The following CCDC149 variants were observed in gnomAD, a reference collection of about 807,000 sequenced individuals.
CCDC149 encodes coiled-coil domain containing 149, also known as coiled-coil domain-containing protein 149.
In CCDC149, 45 loss-of-function variants were observed where a neutral mutation model predicts 59.9. The observed-to-expected ratio is 0.75, with a 90% CI of 0.59 to 0.96. CCDC149 has a LOEUF of 0.96. Among genes scored for constraint, CCDC149 ranks in the 40% least tolerant of loss-of-function variants. The pLI is 0.00. For synonymous variants in CCDC149, 245 were observed against 260.6 expected (o/e 0.94, Z 0.58); for missense variants, 584 against 664.7 (o/e 0.88, Z 1.33).
intron 12 of CCDC149, among the ~76,000 whole-genome samples, chr4:24,815,383 C>T (rs1714944312): frequency 1.3e-5 from 2 of 152,052 alleles, no homozygotes; most frequent in African/African-American, 4.8e-5. Context: ...AGTGGTTGTA[C>T]AGGGGACATG....
chr4:24,809,251 G>A (rs572150434), intron 12 of CCDC149, among the ~76,000 whole-genome samples: 23 of 152,264 alleles, frequency 1.5e-4, no homozygotes, highest in African/African-American at 5.5e-4. Context: ...GATAGTTCGG[G>A]AAGGATTTAG....
At chr4:24,931,522 A>G (rs1401904825) in intron 1 of CCDC149, among the ~76,000 whole-genome samples, 2 of 151,466 alleles carry the variant, frequency 1.3e-5, no homozygotes, top group African/African-American at 4.9e-5. Flanking sequence ...TAACATCTTT[A>G]GCTGCAACAC....
chr4:24,901,028 T>A (rs1307391720), intron 1 of CCDC149, among the ~76,000 whole-genome samples: 1 of 152,234 alleles, frequency 6.6e-6, no homozygotes, highest in African/African-American at 2.4e-5. Flanking sequence ...GAGGACATCA[T>A]GAAAAATGTT....
intron 3 of CCDC149, among the ~76,000 whole-genome samples, chr4:24,860,911 C>T (rs186383057): frequency 6.6e-6 from 1 of 152,246 alleles, no homozygotes; most frequent in Admixed American, 6.5e-5. Flanking sequence ...CACCTTACTC[C>T]TATAAGGTGT....
intron 1 of CCDC149, among the ~76,000 whole-genome samples, chr4:24,964,121 G>A (rs991990688): frequency 2.1e-4 from 32 of 150,904 alleles, no homozygotes; most frequent in Admixed American, 7.3e-4. Context: ...TTGAGCCCAG[G>A]AGGTGGAGGC....
intron 4 of CCDC149, among the ~76,000 whole-genome samples, chr4:24,846,760 A>G (rs1385333849): frequency 6.6e-6 from 1 of 152,226 alleles, no homozygotes; most frequent in East Asian, 1.9e-4. Flanking sequence ...CAATATCACA[A>G]CAGCTAAATT....
intron 1 of CCDC149, among the ~76,000 whole-genome samples, chr4:24,923,730 AAG>A (rs1378156949): frequency 5.3e-5 from 8 of 152,214 alleles, no homozygotes; most frequent in Non-Finnish European, 7.3e-5. Context: ...GTCATGTGTT[AAG>A]GAAGTTAGAA....
At chr4:24,875,004 A>T (rs1048357672) in intron 2 of CCDC149, among the ~76,000 whole-genome samples, 1 of 152,180 alleles carries the variant, frequency 6.6e-6, no homozygotes, top group Non-Finnish European at 1.5e-5. Context: ...TTACCATGCA[A>T]CTGTTTAAAA....
At chr4:24,921,923 T>C (rs1388313201) in intron 1 of CCDC149, among the ~76,000 whole-genome samples, 1 of 152,144 alleles carries the variant, frequency 6.6e-6, no homozygotes. Flanking sequence ...TGGGGGTGTT[T>C]AAATAGCAGA....
At chr4:24,884,216 T>C (rs995545329) in intron 1 of CCDC149, among the ~76,000 whole-genome samples, 1 of 152,220 alleles carries the variant, frequency 6.6e-6, no homozygotes, top group African/African-American at 2.4e-5. Context: ...TATGTGGCCA[T>C]ATTTTCACTG....
intron 1 of CCDC149, among the ~76,000 whole-genome samples, chr4:24,923,313 T>C (rs749811013): frequency 1.7e-4 from 26 of 152,238 alleles, no homozygotes; most frequent in Admixed American, 2.0e-4. Flanking sequence ...TCTGAGTTCC[T>C]ACTATGTTGA....
chr4:24,935,575 A>C (rs1299571974), intron 1 of CCDC149, among the ~76,000 whole-genome samples: 1 of 152,140 alleles, frequency 6.6e-6, no homozygotes, highest in Non-Finnish European at 1.5e-5. Context: ...GAGACCCCAG[A>C]AAGCTCCCTT....
upstream of CCDC149, among the ~76,000 whole-genome samples, chr4:24,913,476 T>C (rs1259367943): frequency 6.6e-6 from 1 of 152,284 alleles, no homozygotes; most frequent in Non-Finnish European, 1.5e-5. Flanking sequence ...CGTTTTATTA[T>C]ATACTTAGCA....
chr4:24,875,465 T>C (rs1185271173), intron 2 of CCDC149, among the ~76,000 whole-genome samples: 2 of 152,214 alleles, frequency 1.3e-5, no homozygotes, highest in African/African-American at 4.8e-5. Context: ...TTTATTATTT[T>C]TAAAAATAAA....
At chr4:24,885,980 T>C (rs1720153525) in intron 1 of CCDC149, among the ~76,000 whole-genome samples, 1 of 152,240 alleles carries the variant, frequency 6.6e-6, no homozygotes, top group East Asian at 1.9e-4. Context: ...AATGTTCTAC[T>C]TGAAACATCA....
chr4:24,908,629 G>A (rs144212376), intron 1 of CCDC149, among the ~76,000 whole-genome samples: 1 of 152,240 alleles, frequency 6.6e-6, no homozygotes, highest in African/African-American at 2.4e-5. Context: ...GGGCCCAGGA[G>A]ATGGAGGCTG....
chr4:24,959,339 C>G (rs1331370113), intron 1 of CCDC149, among the ~76,000 whole-genome samples: 1 of 152,016 alleles, frequency 6.6e-6, no homozygotes, highest in Non-Finnish European at 1.5e-5. Context: ...ATCTGCCAAC[C>G]CTAACATCTA....
chr4:24,943,944 T>C (rs972234348), intron 1 of CCDC149, among the ~76,000 whole-genome samples: 24 of 152,324 alleles, frequency 1.6e-4, no homozygotes, highest in African/African-American at 4.8e-4. Context: ...ACTTTTACAC[T>C]GTTGGCGGGA....
At chr4:24,840,307 T>C (rs1716857610) in intron 4 of CCDC149, among the ~76,000 whole-genome samples, 1 of 152,204 alleles carries the variant, frequency 6.6e-6, no homozygotes, top group South Asian at 2.1e-4. Flanking sequence ...AGGCAGAAGA[T>C]GCAGGACGCT....
Sources: gnomAD v4.1 joint callset for allele counts (sites outside exome capture counted in the v4.1 genomes callset) on GRCh38, gnomAD v4.1.1 for gene constraint, MANE v1.5 for transcripts, NCBI Gene and HGNC (gene_info 2026-07-23, HGNC 2026-07-21) for gene names.